The following CALN1 variants were observed in gnomAD, a reference collection of about 807,000 sequenced individuals.
CALN1 encodes the protein calneuron 1, also known as calcium-binding protein 8.
A neutral mutation model predicts 30.6 loss-of-function variants in CALN1; 17 were observed. The ratio of observed to expected loss-of-function variants is 0.56; its 90% CI spans 0.38 to 0.83. The LOEUF (loss-of-function observed/expected upper bound fraction) is 0.83, where lower values mean the gene tolerates loss of function less well. Among genes scored for constraint, CALN1 ranks in the 40% least tolerant of loss-of-function variants. The probability of loss-of-function intolerance (pLI) is 0.00; values close to 1 mark genes in which losing one functional copy is unlikely to be tolerated. For synonymous variants in CALN1, 156 were observed against 131.4 expected (o/e 1.19, Z -1.28); for missense variants, 291 against 354.9 (o/e 0.82, Z 1.45).
At chr7:72,278,639 C>T (rs770037724) in intron 3 of CALN1, 47 bp downstream of exon 3, 1 of 1,590,006 alleles carries the variant, frequency 6.3e-7, no homozygotes, top group East Asian at 2.3e-5. Flanking sequence ...GCCAGAAACA[C>T]CTCCCTGGGA....
chr7:72,404,802 G>C (rs1165176130), intron 1 of CALN1, among the ~76,000 whole-genome samples: 3 of 152,192 alleles, frequency 2.0e-5, no homozygotes, highest in Non-Finnish European at 4.4e-5. Context: ...GCTGTATGTG[G>C]ATGGTGGACA....
intron 3 of CALN1, among the ~76,000 whole-genome samples, chr7:72,237,861 C>G (rs976836680): frequency 2.0e-5 from 3 of 152,182 alleles, no homozygotes; most frequent in Non-Finnish European, 2.9e-5. Flanking sequence ...AGGAGTGCCC[C>G]AGAAATGTTA....
At chr7:72,403,798 T>C (rs1467863381) in intron 1 of CALN1, among the ~76,000 whole-genome samples, 1 of 152,176 alleles carries the variant, frequency 6.6e-6, no homozygotes, top group Non-Finnish European at 1.5e-5. Flanking sequence ...GCAAAACATC[T>C]TGCCAGCATC....
intron 4 of CALN1, among the ~76,000 whole-genome samples, chr7:72,049,058 C>T (rs1802667932): frequency 6.6e-6 from 1 of 152,116 alleles, no homozygotes; most frequent in African/African-American, 2.4e-5. Context: ...ATCCTCCCAC[C>T]TTGGCCTCCT....
At chr7:72,497,951 A>G in the CALN1 span, among the ~76,000 whole-genome samples, 1 of 152,210 alleles carries the variant, frequency 6.6e-6, no homozygotes, top group Non-Finnish European at 1.5e-5. Flanking sequence ...GGATAAAGAG[A>G]CAGAGAATCT....
chr7:71,827,663 T>A (rs1788996294), intron 5 of CALN1, among the ~76,000 whole-genome samples: 1 of 151,852 alleles, frequency 6.6e-6, no homozygotes, highest in Non-Finnish European at 1.5e-5. Flanking sequence ...TCCCAGCTAC[T>A]CAGGAGGCTG....
At chr7:72,165,550 T>C (rs1411520453) in intron 3 of CALN1, among the ~76,000 whole-genome samples, 1 of 151,886 alleles carries the variant, frequency 6.6e-6, no homozygotes, top group Non-Finnish European at 1.5e-5. Flanking sequence ...ATCACACCAC[T>C]GCACTCCAGC....
intron 1 of CALN1, among the ~76,000 whole-genome samples, chr7:72,444,721 CTCCTTTGT>C (rs1201950104): frequency 6.6e-6 from 1 of 152,190 alleles, no homozygotes; most frequent in African/African-American, 2.4e-5. Context: ...AGAAGAGATA[CTCCTTTGT>C]ACAAGCTGCA....
intron 1 of CALN1, among the ~76,000 whole-genome samples, chr7:72,407,210 G>A (rs1210690485): frequency 6.6e-6 from 1 of 152,176 alleles, no homozygotes; most frequent in African/African-American, 2.4e-5. Flanking sequence ...TGTGACCTTG[G>A]GCAAGTGACT....
chr7:72,471,591 T>C, the CALN1 span, among the ~76,000 whole-genome samples: 1 of 152,234 alleles, frequency 6.6e-6, no homozygotes, highest in South Asian at 2.1e-4. Context: ...CTGAAATGTA[T>C]GCAGGTCCAC....
chr7:72,393,930 A>AT (rs1456441462), intron 2 of CALN1, among the ~76,000 whole-genome samples: 1 of 152,076 alleles, frequency 6.6e-6, no homozygotes, highest in Non-Finnish European at 1.5e-5. Flanking sequence ...GCACTCTTAA[A>AT]TATTTATCAG....
intron 3 of CALN1, among the ~76,000 whole-genome samples, chr7:72,118,471 GT>G (rs368088678): frequency 7.9e-5 from 12 of 152,296 alleles, no homozygotes; most frequent in African/African-American, 2.6e-4. Context: ...ATTTCTAAGG[GT>G]TTAAGAACTA....
chr7:72,368,825 T>C (rs1008110702), intron 2 of CALN1, among the ~76,000 whole-genome samples: 1 of 147,252 alleles, frequency 6.8e-6, no homozygotes, highest in African/African-American at 2.5e-5. Flanking sequence ...TTTTTTTTTT[T>C]TTTTTTTGAG....
intron 2 of CALN1, among the ~76,000 whole-genome samples, chr7:72,382,642 GTC>G (rs1241382882): frequency 1.3e-5 from 2 of 152,058 alleles, no homozygotes; most frequent in Non-Finnish European, 2.9e-5. Flanking sequence ...AGTCCTCAGT[GTC>G]TGTTTCTTCG....
chr7:72,500,029 C>T, the CALN1 span, among the ~76,000 whole-genome samples: 5 of 149,024 alleles, frequency 3.4e-5, no homozygotes, highest in East Asian at 2.0e-4. Flanking sequence ...CTCCTGCCTC[C>T]GCCTCCCTAG....
chr7:71,850,299 T>C (rs548120834), intron 5 of CALN1, among the ~76,000 whole-genome samples: 62 of 152,322 alleles, frequency 4.1e-4, no homozygotes, highest in Middle Eastern at 3.4e-3. Context: ...CACTGCAACC[T>C]CCGCCTCCCG....
rs576444008 is a variant in CALN1 at position 72,076,538 on chromosome 7, C to G, written c.388+29613G>C. ...GCTTGAACCCGAGAGGCGGAGGTTACAGTCAGCCGAGATCACGCCACTGCA... is the reference window on the plus strand; with the variant it reads ...GCTTGAACCCGAGAGGCGGAGGTTAGAGTCAGCCGAGATCACGCCACTGCA... On this transcript the variant is annotated intron_variant, in intron 4 of 6. Coordinates refer to ENST00000395275, the MANE Select transcript of CALN1 (RefSeq NM_031468.4). Among the ~76,000 whole-genome samples the G allele has an allele frequency of 4.3e-4, 56 of 130,832 alleles. No homozygotes were observed. The East Asian group carries it at 0.012, about 29-fold the overall frequency. 85.8% of individuals were successfully genotyped at this position (130,832 alleles called of 152,430 possible).
At chr7:71,931,255 G>C (rs1438757445) in intron 5 of CALN1, among the ~76,000 whole-genome samples, 1 of 150,248 alleles carries the variant, frequency 6.7e-6, no homozygotes, top group East Asian at 2.0e-4. Context: ...ATGTTCATCT[G>C]TGAAAACCAT....
chr7:72,369,354 A>AC (rs1804080714), intron 2 of CALN1, among the ~76,000 whole-genome samples: 1 of 7,010 alleles, frequency 1.4e-4, no homozygotes, highest in Non-Finnish European at 6.4e-4. Context: ...ATAAATATTT[A>AC]TTTTTTTGTT....
Sources: allele counts gnomAD v4.1 joint callset (sites outside exome capture counted in the v4.1 genomes callset), GRCh38; gene constraint gnomAD v4.1.1; transcripts MANE v1.5; gene names NCBI Gene and HGNC (gene_info 2026-07-23, HGNC 2026-07-21).